COL5A1: variants seen among roughly 807,000 people sequenced by gnomAD.
COL5A1 encodes the protein collagen alpha-1(V) chain.
Under a neutral mutation model 263.7 loss-of-function variants are expected in COL5A1, and 16 were observed. That is an observed-to-expected ratio of 0.06 (90% CI 0.04 to 0.09). The LOEUF is 0.09. COL5A1 is among the 10% of genes least tolerant of loss of function. COL5A1 has a pLI of 1.00. For missense variants in COL5A1, 2,036 were observed against 2,540.5 expected, an observed-to-expected ratio of 0.80 and a Z score of 4.27; for synonymous variants, 1,012 against 1,004.5, an observed-to-expected ratio of 1.01 and a Z score of -0.14.
intron 44 of COL5A1, 110 bp downstream of exon 44, chr9:134,810,418 C>A: frequency 1.9e-6 from 2 of 1,059,422 alleles, no homozygotes; most frequent in Non-Finnish European, 2.9e-6. Context: ...TGATGACTAG[C>A]GGGACATGCT....
chr9:134,671,591 A>G (rs1431512744), intron 1 of COL5A1, among the ~76,000 whole-genome samples: 4 of 151,948 alleles, frequency 2.6e-5, no homozygotes, highest in Non-Finnish European at 5.9e-5. Flanking sequence ...CCAGAGAGGA[A>G]CCCCACTGGG....
intron 39 of COL5A1, 152 bp downstream of exon 39, chr9:134,803,147 C>G (rs953531116): frequency 1.3e-6 from 1 of 747,486 alleles, no homozygotes. Context: ...ACGTTTTGCT[C>G]ACTTTTCCTT....
At chr9:134,701,921 C>T (rs1364014116) in intron 4 of COL5A1, among the ~76,000 whole-genome samples, 2 of 152,220 alleles carry the variant, frequency 1.3e-5, no homozygotes, top group Admixed American at 6.5e-5. Context: ...TGGAGCCCTT[C>T]ATAGGTTGGG....
rs946291425 is a variant in COL5A1, at chr9:134,682,754, T to A, written c.110-8158T>A. ...AGTGACCAGGTGGAATCTGCTGGTG[T>A]GTTGTGGTTCTGGGGCCAGGGGAGC... is the stretch of plus-strand genomic sequence containing the variant. On this transcript the variant is annotated intron_variant, in intron 1 of 65. Coordinates refer to ENST00000371817, the MANE Select transcript of COL5A1 (RefSeq NM_000093.5). The surrounding 1 kb of genome is among the most constrained non-coding windows in gnomAD (Gnocchi z 5.1). Among the ~76,000 whole-genome samples the A allele has an allele frequency of 6.6e-6, 1 of 152,044 alleles. No individual in the cohort carries two copies. The highest frequency in any genetic ancestry group is 2.4e-5 in the African/African-American group (1 of 41,412).
At chr9:134,835,303 A>T in intron 65 of COL5A1, 99 bp downstream of exon 65, 1 of 1,046,996 alleles carries the variant, frequency 9.6e-7, no homozygotes, top group South Asian at 1.4e-5. Flanking sequence ...TGCCTGCCAG[A>T]GGGCAGTGAG....
rs894634128 is a variant in COL5A1, at chr9:134,750,087, C to T, written c.1495-455C>T. On this transcript the variant is annotated intron_variant, in intron 11 of 65. Transcript: ENST00000371817. ...TCCATCTGAGCAGGCACAGGCGGCTCGCTCGGAGCCCATTAAGGACAAGTG... is the reference window on the plus strand; with the variant it reads ...TCCATCTGAGCAGGCACAGGCGGCTTGCTCGGAGCCCATTAAGGACAAGTG... Among the ~76,000 whole-genome samples, 4 of 152,208 alleles carry T rather than the reference C, an allele frequency of 2.6e-5. No individual in the cohort carries two copies. The East Asian group carries it at 5.8e-4, about 22-fold the overall frequency.
chr9:134,689,313 C>T (rs1405101683), intron 1 of COL5A1, among the ~76,000 whole-genome samples: 5 of 152,164 alleles, frequency 3.3e-5, no homozygotes, highest in East Asian at 1.9e-4. Context: ...CTCTTGAGCC[C>T]GTCGCAGGCT....
intron 13 of COL5A1, among the ~76,000 whole-genome samples, chr9:134,751,265 T>TG (rs1325308743): frequency 1.3e-5 from 2 of 151,988 alleles, no homozygotes; most frequent in African/African-American, 4.8e-5. Flanking sequence ...TGGGGACTGT[T>TG]TGGGGAGTTT....
At chr9:134,798,089 C>T (rs1448721795) in intron 36 of COL5A1, among the ~76,000 whole-genome samples, 4 of 152,166 alleles carry the variant, frequency 2.6e-5, no homozygotes, top group Non-Finnish European at 2.9e-5. Context: ...TGGGTCCTGG[C>T]ACCGGCTGTG....
chr9:134,693,342 CA>C (rs952910138), intron 2 of COL5A1, among the ~76,000 whole-genome samples: 8 of 152,100 alleles, frequency 5.3e-5, no homozygotes, highest in African/African-American at 1.9e-4. Flanking sequence ...ACAAAACAAA[CA>C]AAAAAACCAA....
chr9:134,833,614 C>T (rs1839733779), intron 64 of COL5A1, among the ~76,000 whole-genome samples: 1 of 152,168 alleles, frequency 6.6e-6, no homozygotes. Context: ...ATCCGGGACC[C>T]CTGTGCCTCC....
In COL5A1 at chr9:134,794,303, G is replaced by A. The variant is rs1426852881; in HGVS notation, c.2701-779G>A. On this transcript the variant is annotated intron_variant, in intron 32 of 65. Transcript: ENST00000371817. This position sits in a 1 kb window ranked among gnomAD's most constrained non-coding sequence, Gnocchi z 4.3. ...ACCATTGCATTCATTCCAGCCTGGCGGCAGAGCAAGACTCTGTCTAAAAAA... is the reference window on the plus strand; with the variant it reads ...ACCATTGCATTCATTCCAGCCTGGCAGCAGAGCAAGACTCTGTCTAAAAAA... Among the ~76,000 whole-genome samples, 1 of 150,262 alleles carries A rather than the reference G, an allele frequency of 6.7e-6. No individual in the cohort carries two copies. Among genetic ancestry groups the A allele is most frequent in the South Asian group, 2.1e-4 (1 of 4,714 alleles).
chr9:134,694,576 C>T (rs997525693), intron 2 of COL5A1, among the ~76,000 whole-genome samples: 11 of 152,224 alleles, frequency 7.2e-5, no homozygotes, highest in African/African-American at 2.7e-4. Context: ...GAATTTCCCC[C>T]CTCATTCGAA....
rs1836063159 is a variant in COL5A1, at chr9:134,758,343, G to A, written c.1935+47G>A. The A allele has an allele frequency of 6.3e-7, 1 of 1,589,586 alleles. No homozygotes were observed. The highest frequency in any genetic ancestry group is 8.6e-7 in the Non-Finnish European group (1 of 1,158,072). ...CACAGGCATGACGATGGGCAGCAGA[G>A]GTGTCTCTCGGGAGGCCCTTCTCCT... On this transcript the variant is annotated intron_variant, in intron 18 of 65. Transcript: ENST00000371817. The surrounding 1 kb of genome is among the most constrained non-coding windows in gnomAD (Gnocchi z 4.1).
At position 134,809,048 on chromosome 9, in the gene COL5A1, A is replaced by G; in HGVS notation, c.3367-135A>G. On this transcript the variant is annotated intron_variant, in intron 42 of 65. Transcript: ENST00000371817. ...CCCTCAGTGGCCCTGGCTGAAATCC[A>G]TTAGGACTGTGGGGACGGTCACCCT... The G allele has an allele frequency of 3.7e-6, 3 of 809,892 alleles. No individual in the cohort carries two copies. The South Asian group carries it at 4.4e-5, about 12-fold the overall frequency. The allele number at this position is 809,892 out of a possible 1,614,324, so 50.2% of individuals were successfully genotyped here.
At chr9:134,719,562 C>T (rs939247625) in intron 4 of COL5A1, among the ~76,000 whole-genome samples, 7 of 152,220 alleles carry the variant, frequency 4.6e-5, no homozygotes, top group African/African-American at 1.7e-4. Flanking sequence ...GTGTTTGGCC[C>T]TGCAGGAGGG....
At position 134,708,421 on chromosome 9, in the gene COL5A1, G is replaced by GGGC. The variant is rs1554782821; in HGVS notation, c.654+7090_654+7091insCGG. The GGGC allele has an allele frequency of 9.8e-6, 4 of 408,072 alleles. 1 individual carries two copies. Among genetic ancestry groups the GGGC allele is most frequent in the African/African-American group, 8.3e-5 (4 of 48,056 alleles). The allele number at this position is 408,072 out of a possible 1,614,324, so 25.3% of individuals were successfully genotyped here. A position where few individuals can be genotyped will look rare whatever the true frequency, so the allele number is the denominator to read the frequency against. On this transcript the variant is annotated intron_variant, in intron 4 of 65. Coordinates refer to ENST00000371817, the MANE Select transcript of COL5A1 (RefSeq NM_000093.5). The stretch of plus-strand genomic sequence containing the variant: ...CCATTGCGGCTCAGAGCAACTCCCG[G>GGGC]GGTGGGGGCTCTGGTGCACCTGCAC...
intron 9 of COL5A1, among the ~76,000 whole-genome samples, chr9:134,736,693 C>T (rs1835111277): frequency 6.6e-6 from 1 of 152,210 alleles, no homozygotes; most frequent in South Asian, 2.1e-4. Context: ...CAGAGTCTCA[C>T]CCAAATCAGG....
intron 1 of COL5A1, among the ~76,000 whole-genome samples, chr9:134,673,940 C>T (rs114582765): frequency 2.3e-3 from 356 of 152,200 alleles, no homozygotes; most frequent in African/African-American, 8.0e-3. Context: ...AAGACAGAGG[C>T]GTGCCAACAT....
Sources: allele counts gnomAD v4.1 joint callset (sites outside exome capture counted in the v4.1 genomes callset), GRCh38; gene constraint gnomAD v4.1.1; non-coding constraint Gnocchi (gnomAD v3.1); transcripts MANE v1.5; gene names NCBI Gene and HGNC (gene_info 2026-07-23, HGNC 2026-07-21).